The following CAMK4 variants were observed in gnomAD, a reference collection of about 807,000 sequenced individuals.
The protein encoded by CAMK4 is calcium/calmodulin-dependent protein kinase type IV.
In CAMK4, 22 loss-of-function variants were observed where a neutral mutation model predicts 44.9. The ratio of observed to expected loss-of-function variants is 0.49; its 90% confidence interval spans 0.35 to 0.70. The LOEUF is 0.70. Ranked by LOEUF, CAMK4 falls within the 30% of genes least tolerant of loss-of-function variation. CAMK4 has a pLI of 0.01. For synonymous variants in CAMK4, 218 were observed against 215.4 expected (o/e 1.01, Z -0.11); for missense variants, 498 against 586.8 (o/e 0.85, Z 1.56).
At chr5:111,461,519 A>C (rs1754640474) in intron 7 of CAMK4, among the ~76,000 whole-genome samples, 1 of 152,148 alleles carries the variant, frequency 6.6e-6, no homozygotes, top group Non-Finnish European at 1.5e-5. Context: ...TGAGAAAATC[A>C]CCCAGTGTGG....
At chr5:111,330,503 T>C (rs572136788) in intron 1 of CAMK4, among the ~76,000 whole-genome samples, 1 of 39,694 alleles carries the variant, frequency 2.5e-5, no homozygotes, top group South Asian at 6.1e-4. Flanking sequence ...GTTTGGTTTT[T>C]TGTTGTTGTT....
chr5:111,379,233 A>G (rs1462567269), intron 4 of CAMK4, among the ~76,000 whole-genome samples: 1 of 152,056 alleles, frequency 6.6e-6, no homozygotes, highest in Non-Finnish European at 1.5e-5. Flanking sequence ...ACCTACCTCT[A>G]TTGGCTTGAG....
intron 9 of CAMK4, among the ~76,000 whole-genome samples, chr5:111,480,399 A>G (rs537584526): frequency 6.6e-6 from 1 of 152,064 alleles, no homozygotes; most frequent in African/African-American, 2.4e-5. Context: ...CCTTCTGCCA[A>G]AATCTTCCTT....
At chr5:111,474,599 A>G (rs1755173573) in intron 8 of CAMK4, among the ~76,000 whole-genome samples, 1 of 152,004 alleles carries the variant, frequency 6.6e-6, no homozygotes, top group Non-Finnish European at 1.5e-5. Flanking sequence ...TGGAGGGGGG[A>G]ATACAATTCA....
intron 2 of CAMK4, among the ~76,000 whole-genome samples, chr5:111,362,906 A>G (rs978420453): frequency 1.3e-5 from 2 of 152,100 alleles, no homozygotes; most frequent in Admixed American, 6.6e-5. Context: ...GTACATTCCA[A>G]TTCTCACCAT....
chr5:111,430,843 C>T (rs1278563014), intron 5 of CAMK4, among the ~76,000 whole-genome samples: 2 of 151,850 alleles, frequency 1.3e-5, no homozygotes, highest in African/African-American at 2.4e-5. Flanking sequence ...TTCATGGGTT[C>T]GAAGAATCGG....
chr5:111,416,023 T>C (rs932129751), intron 5 of CAMK4, among the ~76,000 whole-genome samples: 54 of 152,126 alleles, frequency 3.5e-4, no homozygotes, highest in African/African-American at 1.3e-3. Flanking sequence ...TGTGTGGGCC[T>C]TGGAACCAAT....
At chr5:111,417,209 T>A (rs903757395) in intron 5 of CAMK4, among the ~76,000 whole-genome samples, 2 of 148,434 alleles carry the variant, frequency 1.3e-5, no homozygotes, top group Non-Finnish European at 3.0e-5. Flanking sequence ...TATAGGCATG[T>A]GCCATCACAC....
chr5:111,340,211 T>C (rs980388509), intron 1 of CAMK4, among the ~76,000 whole-genome samples: 1 of 151,236 alleles, frequency 6.6e-6, no homozygotes, highest in African/African-American at 2.4e-5. Flanking sequence ...ATTCCTTTTA[T>C]TTCTTTGCCT....
Position 111,478,514 on chromosome 5 carries a change from GT to G in CAMK4, c.828+8del. ...TCTAAATGCCAAGGACTTGGTAAGTGTAACCAAAACAAAATGAAACAAAATG... is the reference window on the plus strand; with the variant it reads ...TCTAAATGCCAAGGACTTGGTAAGTGAACCAAAACAAAATGAAACAAAATG... On this transcript the variant is annotated splice_region_variant and intron_variant, in intron 9 of 10. Transcript: ENST00000282356. 6.9e-7 allele frequency: 1 copy of G among 1,455,608 alleles called. No homozygotes were observed. Among genetic ancestry groups the G allele is most frequent in the Non-Finnish European group, 9.4e-7 (1 of 1,068,672 alleles). The allele number at this position is 1,455,608 out of a possible 1,614,324, so 90.2% of individuals were successfully genotyped here.
At chr5:111,235,864 A>AGGTG (rs1017004994) in intron 1 of CAMK4, among the ~76,000 whole-genome samples, 4 of 151,944 alleles carry the variant, frequency 2.6e-5, no homozygotes, top group Admixed American at 2.6e-4. Context: ...CTAAGGGGAG[A>AGGTG]GGTGGGTGAG....
intron 5 of CAMK4, among the ~76,000 whole-genome samples, chr5:111,446,448 A>G (rs1754030779): frequency 6.6e-6 from 1 of 152,206 alleles, no homozygotes; most frequent in African/African-American, 2.4e-5. Context: ...AGGAGTAAAT[A>G]TTTCATTCTG....
At chr5:111,245,824 T>C (rs1454556410) in intron 1 of CAMK4, among the ~76,000 whole-genome samples, 1 of 152,266 alleles carries the variant, frequency 6.6e-6, no homozygotes, top group East Asian at 1.9e-4. Context: ...GTTGGGTGTG[T>C]ACGTCATAAT....
upstream of CAMK4, chr5:111,223,973 T>G: frequency 6.5e-6 from 1 of 153,778 alleles, no homozygotes; most frequent in South Asian, 2.0e-4. This position sits in a 1 kb window ranked among gnomAD's most constrained non-coding sequence, Gnocchi z 4.3. Context: ...GCTGCCAGGG[T>G]ACGCCTGGCG....
In CAMK4 at chr5:111,483,810, T is replaced by C. The variant is rs540119905; in HGVS notation, c.982-216T>C. 2.0e-5 allele frequency among the ~76,000 whole-genome samples: 3 copies of C among 152,330 alleles called. No individual in the cohort carries two copies. The South Asian group carries it at 6.2e-4, about 32-fold the overall frequency. ...GTATTCAGGCTTTCAGTTGTCCAGATGATTAAATACACTAATTTGTATTTA... is the reference window on the plus strand; with the variant it reads ...GTATTCAGGCTTTCAGTTGTCCAGACGATTAAATACACTAATTTGTATTTA... On this transcript the variant is annotated intron_variant, in intron 10 of 10. Transcript: ENST00000282356.
chr5:111,473,313 C>G lies in CAMK4; in HGVS notation c.628C>G (p.Pro210Ala). The G allele has an allele frequency of 1.9e-6, 3 of 1,607,494 alleles. No homozygotes were observed. The highest frequency in any genetic ancestry group is 2.6e-6 in the Non-Finnish European group (3 of 1,174,388). ...CACAATTTTCACTTTTTCTGCAGCA[C>G]CTGAAATTCTTAGAGGTTGTGCCTA... is the stretch of plus-strand genomic sequence containing the variant. ...TVCGTPGYCA[P>A]EILRGCAYGP... Residue 210 changes from proline (P) to alanine (A), a missense_variant and splice_region_variant, in exon 8 of 11, where the codon CCT becomes GCT. Coordinates refer to ENST00000282356, the MANE Select transcript of CAMK4 (RefSeq NM_001744.6).
intron 5 of CAMK4, among the ~76,000 whole-genome samples, chr5:111,397,532 C>T (rs892711798): frequency 6.6e-6 from 1 of 152,046 alleles, no homozygotes; most frequent in African/African-American, 2.4e-5. Flanking sequence ...AAATTCAGTA[C>T]ACTTACATGT....
In CAMK4 at chr5:111,290,775, G is replaced by A. The variant is rs1259253242; in HGVS notation, c.162-53249G>A. Among the ~76,000 whole-genome samples the A allele has an allele frequency of 6.6e-6, 1 of 152,196 alleles. No individual in the cohort carries two copies. Among genetic ancestry groups the A allele is most frequent in the Non-Finnish European group, 1.5e-5 (1 of 68,028 alleles). On this transcript the variant is annotated intron_variant, in intron 1 of 10. Transcript: ENST00000282356. The surrounding 1 kb of genome is among the most constrained non-coding windows in gnomAD (Gnocchi z 4.5). The stretch of plus-strand genomic sequence containing the variant: ...GGGAGAAGTGCTGGGCAGGCATGAG[G>A]TAAGGTGTCAAGGGTCCCCTACTAA...
In CAMK4 at chr5:111,490,933, G is replaced by T. The variant is rs1169722200; in HGVS notation, c.*6467G>T. On this transcript the variant is annotated 3_prime_UTR_variant, in exon 11 of 11. Transcript: ENST00000282356. ...CAATGTCTTGTGAGTTTAGTGAGTG[G>T]GTACAGCTGAGTTGGGGTTTAGGTG... 6.6e-6 allele frequency: 1 copy of T among 152,074 alleles called. No individual in the cohort carries two copies. The highest frequency in any genetic ancestry group is 1.5e-5 in the Non-Finnish European group (1 of 68,020). 9.4% of individuals were successfully genotyped at this position (152,074 alleles called of 1,614,324 possible).
Sources: allele counts gnomAD v4.1 joint callset (sites outside exome capture counted in the v4.1 genomes callset), GRCh38; gene constraint gnomAD v4.1.1; non-coding constraint Gnocchi (gnomAD v3.1); transcripts MANE v1.5; gene names NCBI Gene and HGNC (gene_info 2026-07-23, HGNC 2026-07-21).